FNDC3B: variants seen among roughly 807,000 people sequenced by gnomAD.
The protein encoded by FNDC3B is fibronectin type III domain-containing protein 3B.
FNDC3B carries 12 observed loss-of-function variants against 151.5 expected under a neutral mutation model. The ratio of observed to expected loss-of-function variants is 0.08; its 90% CI spans 0.05 to 0.13. The LOEUF (loss-of-function observed/expected upper bound fraction) is 0.13, where lower values mean the gene tolerates loss of function less well. Ranked by LOEUF, FNDC3B falls within the 10% of genes least tolerant of loss-of-function variation. FNDC3B has a pLI of 1.00. For synonymous variants in FNDC3B, 528 were observed against 549.0 expected (o/e 0.96, Z 0.54); for missense variants, 1,214 against 1,505.3 (o/e 0.81, Z 3.20).
chr3:172,077,593 T>C (rs1321263777), intron 1 of FNDC3B, among the ~76,000 whole-genome samples: 1 of 152,196 alleles, frequency 6.6e-6, no homozygotes, highest in Non-Finnish European at 1.5e-5. Context: ...CTATACCTAA[T>C]TGATGAATGC....
intron 3 of FNDC3B, among the ~76,000 whole-genome samples, chr3:172,218,398 A>T (rs1287662206): frequency 1.3e-5 from 2 of 152,134 alleles, no homozygotes; most frequent in Non-Finnish European, 2.9e-5. Context: ...TTTCAAGAGG[A>T]GGATATTCTT....
intron 3 of FNDC3B, among the ~76,000 whole-genome samples, chr3:172,160,463 C>A (rs975505822): frequency 2.0e-5 from 3 of 152,212 alleles, no homozygotes; most frequent in Non-Finnish European, 2.9e-5. Flanking sequence ...ACACCCCAAC[C>A]CTAAGAAGTC....
chr3:172,166,557 T>C (rs1723012591), intron 3 of FNDC3B, among the ~76,000 whole-genome samples: 1 of 152,146 alleles, frequency 6.6e-6, no homozygotes, highest in African/African-American at 2.4e-5. Flanking sequence ...TAAAGAATAA[T>C]TACGACCATC....
intron 1 of FNDC3B, among the ~76,000 whole-genome samples, chr3:172,066,270 T>C (rs147435518): frequency 6.6e-6 from 1 of 152,344 alleles, no homozygotes; most frequent in East Asian, 1.9e-4. Flanking sequence ...AGTGAGGCGA[T>C]AATGATACTA....
intron 3 of FNDC3B, among the ~76,000 whole-genome samples, chr3:172,198,017 C>T (rs1054963317): frequency 1.3e-5 from 2 of 152,134 alleles, no homozygotes; most frequent in Non-Finnish European, 2.9e-5. Context: ...ATAGTACCAA[C>T]TCATGGTTTT....
intron 3 of FNDC3B, among the ~76,000 whole-genome samples, chr3:172,170,327 C>T (rs549552935): frequency 1.3e-5 from 2 of 152,304 alleles, no homozygotes; most frequent in South Asian, 4.1e-4. Context: ...TCCGCTTTGC[C>T]CAAGTCAACA....
chr3:172,068,799 T>C (rs890320590), intron 1 of FNDC3B, among the ~76,000 whole-genome samples: 3 of 152,246 alleles, frequency 2.0e-5, no homozygotes, highest in Non-Finnish European at 2.9e-5. Flanking sequence ...ACTGAGTGCT[T>C]GCTATGTGCC....
rs115599344 is a variant in FNDC3B, at chr3:172,246,827, A to G, written c.265-706A>G. ...GAGTGTTGATTGGCTTGCTTTTCTC[A>G]TAGCAGGTTGCTTTTCCAAGCATCT... On this transcript the variant is annotated intron_variant, in intron 4 of 25. Transcript: ENST00000415807. Among the ~76,000 whole-genome samples, 848 of 152,354 alleles carry G rather than the reference A, an allele frequency of 5.6e-3. 7 individuals carry two copies. The highest frequency in any genetic ancestry group is 0.019 in the African/African-American group (787 of 41,590).
chr3:172,273,144 A>G (rs1030185027), intron 6 of FNDC3B, among the ~76,000 whole-genome samples: 2 of 152,206 alleles, frequency 1.3e-5, no homozygotes, highest in East Asian at 1.9e-4. Context: ...CATTTCAGAA[A>G]CCAACTATTT....
chr3:172,311,492 C>G (rs1321778832), intron 11 of FNDC3B, among the ~76,000 whole-genome samples: 3 of 151,972 alleles, frequency 2.0e-5, no homozygotes, highest in African/African-American at 7.2e-5. Context: ...ACTGGTGGAC[C>G]CAGTGCATTT....
chr3:172,303,738 A>G (rs374137430), intron 9 of FNDC3B, among the ~76,000 whole-genome samples: 1 of 147,872 alleles, frequency 6.8e-6, no homozygotes, highest in South Asian at 2.2e-4. Context: ...AAAAAAAAAA[A>G]TTGCAGTATT....
intron 6 of FNDC3B, among the ~76,000 whole-genome samples, chr3:172,279,461 A>G (rs1190107340): frequency 6.6e-6 from 1 of 152,216 alleles, no homozygotes; most frequent in Non-Finnish European, 1.5e-5. Flanking sequence ...AAGCAACTGC[A>G]TGCAACATAT....
In FNDC3B at chr3:172,330,677, G is replaced by C. The variant is rs760178959; in HGVS notation, c.1516G>C (p.Val506Leu). ...GCCAGAAGGCTGTTCACCCGAGGAA[G>C]TGATCACCTACACCTTGGAAATTCA... is the stretch of plus-strand genomic sequence containing the variant. ...SKPEGCSPEEVITYTLEIQED... is the reference protein window; with the variant it reads ...SKPEGCSPEELITYTLEIQED... The change falls in exon 13 of 26, where the codon GTG becomes CTG. Residue 506 changes from valine to leucine, a missense_variant. Coordinates refer to ENST00000415807, the MANE Select transcript of FNDC3B (RefSeq NM_022763.4). The C allele has an allele frequency of 6.2e-7, 1 of 1,614,128 alleles. No individual in the cohort carries two copies.
chr3:172,079,623 T>C (rs9830641), intron 1 of FNDC3B, among the ~76,000 whole-genome samples: 99,093 of 152,062 alleles, frequency 0.65, 32,434 homozygotes, highest in East Asian at 0.78. Flanking sequence ...AGCCATAATA[T>C]GGGAAATCAC....
intron 1 of FNDC3B, among the ~76,000 whole-genome samples, chr3:172,074,176 T>G (rs1717903167): frequency 6.6e-6 from 1 of 152,130 alleles, no homozygotes; most frequent in African/African-American, 2.4e-5. Flanking sequence ...CTGAGGGAGG[T>G]CTTGATGATG....
intron 11 of FNDC3B, among the ~76,000 whole-genome samples, chr3:172,322,995 G>A (rs757123100): frequency 1.3e-5 from 2 of 152,138 alleles, no homozygotes; most frequent in Middle Eastern, 3.4e-3. Flanking sequence ...GTTCCCTCAG[G>A]TGACTCATGA....
intron 6 of FNDC3B, among the ~76,000 whole-genome samples, chr3:172,256,892 G>T (rs1020279915): frequency 2.6e-5 from 4 of 152,004 alleles, no homozygotes; most frequent in Admixed American, 6.6e-5. Context: ...GGCAGATGGT[G>T]AAGGGAGAGG....
At chr3:172,091,898 G>GTGTGTGTGTGTA (rs1331385194) in intron 1 of FNDC3B, among the ~76,000 whole-genome samples, 2 of 151,204 alleles carry the variant, frequency 1.3e-5, no homozygotes, top group Middle Eastern at 3.2e-3. Context: ...GTGTGTGTGT[G>GTGTGTGTGTGTA]TGTGTGTGTG....
intron 3 of FNDC3B, chr3:172,134,403 T>A (rs530188366): frequency 3.9e-6 from 2 of 518,482 alleles, no homozygotes; most frequent in African/African-American, 3.8e-5. Context: ...TGACAGTGAC[T>A]GGGATTATGG....
Sources: gnomAD v4.1 joint callset for allele counts (sites outside exome capture counted in the v4.1 genomes callset) on GRCh38, gnomAD v4.1.1 for gene constraint, MANE v1.5 for transcripts, NCBI Gene and HGNC (gene_info 2026-07-23, HGNC 2026-07-21) for gene names.